ERC2: variants seen among roughly 807,000 people sequenced by gnomAD.
ERC2 encodes ELKS/RAB6-interacting/CAST family member 2.
In ERC2, 42 loss-of-function variants were observed where a neutral mutation model predicts 114.8. The observed-to-expected ratio is 0.37, with a 90% confidence interval of 0.29 to 0.47. ERC2 has a LOEUF of 0.47. ERC2 is among the 20% of genes least tolerant of loss of function. ERC2 has a pLI of 0.99. For missense variants in ERC2, 939 were observed against 1,150.7 expected (o/e 0.82, Z 2.66); for synonymous variants, 454 against 425.5 (o/e 1.07, Z -0.82).
At chr3:56,032,440 T>C (rs572388726) in intron 7 of ERC2, among the ~76,000 whole-genome samples, 3 of 152,104 alleles carry the variant, frequency 2.0e-5, no homozygotes, top group Admixed American at 1.3e-4. Context: ...ATGTGAGTCA[T>C]AGAAGAAGTA....
chr3:55,864,290 TTA>T (rs1012082787), intron 14 of ERC2, among the ~76,000 whole-genome samples: 6 of 149,788 alleles, frequency 4.0e-5, no homozygotes, highest in African/African-American at 1.2e-4. Context: ...TATATGTATA[TTA>T]TATATATATA....
At chr3:55,890,085 A>G (rs2063533303) in intron 13 of ERC2, among the ~76,000 whole-genome samples, 1 of 152,206 alleles carries the variant, frequency 6.6e-6, no homozygotes, top group Admixed American at 6.5e-5. Context: ...ATGTAACTGT[A>G]GAGTAAATTG....
intron 17 of ERC2, among the ~76,000 whole-genome samples, chr3:55,655,933 T>G (rs2060839005): frequency 6.6e-6 from 1 of 152,162 alleles, no homozygotes; most frequent in South Asian, 2.1e-4. Flanking sequence ...ATCCTATTAT[T>G]TTCTTCATGT....
chr3:55,549,277 C>T (rs2054977397), intron 17 of ERC2, among the ~76,000 whole-genome samples: 1 of 151,632 alleles, frequency 6.6e-6, no homozygotes, highest in African/African-American at 2.4e-5. Context: ...AAATGAGGTC[C>T]CTCCTGCAAA....
intron 3 of ERC2, among the ~76,000 whole-genome samples, chr3:56,184,260 G>A (rs993841506): frequency 6.6e-6 from 1 of 152,076 alleles, no homozygotes; most frequent in African/African-American, 2.4e-5. Flanking sequence ...ATGTCATAGG[G>A]AGAAACAATA....
chr3:55,644,550 C>T (rs79875865), intron 17 of ERC2, among the ~76,000 whole-genome samples: 19,584 of 151,984 alleles, frequency 0.13, 2,177 homozygotes, highest in African/African-American at 0.3. Flanking sequence ...ATATTACATG[C>T]CCCATATGGT....
chr3:55,628,252 G>A (rs1025105478), intron 17 of ERC2, among the ~76,000 whole-genome samples: 1 of 63,528 alleles, frequency 1.6e-5, no homozygotes, highest in South Asian at 4.7e-4. Flanking sequence ...TGTATGATAT[G>A]AACAGACCTG....
At chr3:56,281,189 G>T (rs1421793372) in intron 3 of ERC2, among the ~76,000 whole-genome samples, 1 of 152,072 alleles carries the variant, frequency 6.6e-6, no homozygotes, top group Non-Finnish European at 1.5e-5. Context: ...TGTAATCCCA[G>T]CACTTTGGGA....
chr3:55,661,068 C>A (rs751551095), intron 17 of ERC2, among the ~76,000 whole-genome samples: 1 of 152,228 alleles, frequency 6.6e-6, no homozygotes, highest in African/African-American at 2.4e-5. Flanking sequence ...GTCTCACACA[C>A]AGATGTTGGT....
At chr3:55,970,914 T>A (rs1243833693) in intron 12 of ERC2, among the ~76,000 whole-genome samples, 4 of 152,136 alleles carry the variant, frequency 2.6e-5, no homozygotes, top group Non-Finnish European at 5.9e-5. Flanking sequence ...ATTTTTCATA[T>A]CAGCTAAAAA....
chr3:56,319,557 A>T (rs2057029591), intron 2 of ERC2, among the ~76,000 whole-genome samples: 1 of 152,182 alleles, frequency 6.6e-6, no homozygotes, highest in Non-Finnish European at 1.5e-5. Flanking sequence ...CTGCTGCACA[A>T]CTTTACACCT....
intron 15 of ERC2, among the ~76,000 whole-genome samples, chr3:55,730,405 T>C (rs1162120442): frequency 6.6e-6 from 1 of 152,212 alleles, no homozygotes; most frequent in Non-Finnish European, 1.5e-5. Context: ...AATGAGATGA[T>C]GTTTGTAAAC....
intron 8 of ERC2, 107 bp downstream of exon 8, chr3:56,018,787 G>C: frequency 1.6e-6 from 2 of 1,255,534 alleles, no homozygotes; most frequent in Non-Finnish European, 2.2e-6. Context: ...ACTAAAGGTA[G>C]TGTTAGCAAA....
chr3:56,288,378 C>G (rs1185318110), intron 3 of ERC2, among the ~76,000 whole-genome samples: 1 of 152,120 alleles, frequency 6.6e-6, no homozygotes, highest in African/African-American at 2.4e-5. Flanking sequence ...GCATAACCTC[C>G]GGACATTCTC....
intron 17 of ERC2, among the ~76,000 whole-genome samples, chr3:55,665,917 C>A (rs1342766784): frequency 6.6e-6 from 1 of 152,218 alleles, no homozygotes; most frequent in African/African-American, 2.4e-5. Context: ...CAAGATCACA[C>A]AGCTAGCATG....
chr3:55,993,589 A>G (rs1355710429), intron 10 of ERC2, among the ~76,000 whole-genome samples: 2 of 152,006 alleles, frequency 1.3e-5, no homozygotes, highest in Non-Finnish European at 2.9e-5. Context: ...TGCATGTAAC[A>G]TATTATTTAA....
At chr3:56,420,506 A>G (rs2061344705) in intron 2 of ERC2, among the ~76,000 whole-genome samples, 1 of 151,740 alleles carries the variant, frequency 6.6e-6, no homozygotes, top group Non-Finnish European at 1.5e-5. Flanking sequence ...AAACCATCAA[A>G]TTATTACTTA....
intron 13 of ERC2, among the ~76,000 whole-genome samples, chr3:55,940,826 G>A (rs571126859): frequency 1.3e-5 from 2 of 152,080 alleles, no homozygotes; most frequent in Non-Finnish European, 2.9e-5. Flanking sequence ...TAAAATCCAT[G>A]CAAAACCCCG....
At chr3:56,217,020 C>A (rs1362637218) in intron 3 of ERC2, among the ~76,000 whole-genome samples, 1 of 152,120 alleles carries the variant, frequency 6.6e-6, no homozygotes, top group Non-Finnish European at 1.5e-5. Context: ...CTATGGCAAA[C>A]CCACAGCCAA....
Sources: allele counts gnomAD v4.1 joint callset (sites outside exome capture counted in the v4.1 genomes callset), GRCh38; gene constraint gnomAD v4.1.1; transcripts MANE v1.5; gene names NCBI Gene and HGNC (gene_info 2026-07-23, HGNC 2026-07-21).